OR2L13: variants seen among roughly 807,000 people sequenced by gnomAD.
The protein encoded by OR2L13 is olfactory receptor family 2 subfamily L member 13, also known as olfactory receptor 2L13.
OR2L13 carries 14 observed loss-of-function variants against 15.3 expected under a neutral mutation model. The observed-to-expected ratio is 0.91, with a 90% CI of 0.60 to 1.43. OR2L13 has a LOEUF of 1.43. OR2L13 is among the 40% of genes most tolerant of loss of function. The probability of loss-of-function intolerance (pLI) is 0.00; values close to 1 mark genes in which losing one functional copy is unlikely to be tolerated. For missense variants in OR2L13, 367 were observed against 387.9 expected, an observed-to-expected ratio of 0.95 and a Z score of 0.45; for synonymous variants, 152 against 142.9, an observed-to-expected ratio of 1.06 and a Z score of -0.45.
At chr1:247,975,689 C>G in the OR2L13 span, 264 of 848,226 alleles carry the variant, frequency 3.1e-4, no homozygotes, top group Non-Finnish European at 4.4e-4. Context: ...AGTCCAAGCA[C>G]TAGCCTCACA....
chr1:247,994,628 T>C, the OR2L13 span, among the ~76,000 whole-genome samples: 54 of 152,170 alleles, frequency 3.5e-4, no homozygotes, highest in East Asian at 0.01. Flanking sequence ...AGAAAGAGCG[T>C]AGGTCAAATG....
chr1:247,965,178 T>C, the OR2L13 span: 4 of 548,378 alleles, frequency 7.3e-6, no homozygotes, highest in Non-Finnish European at 1.2e-5. Context: ...AAAATTTGCA[T>C]CCCAGTAACA....
At chr1:248,022,697 C>G in the OR2L13 span, 1 of 1,614,168 alleles carries the variant, frequency 6.2e-7, no homozygotes, top group African/African-American at 1.3e-5. Flanking sequence ...TAACTTTCTA[C>G]TATGCACCCT....
chr1:248,060,883 A>G, the OR2L13 span: 1 of 1,613,860 alleles, frequency 6.2e-7, no homozygotes, highest in Non-Finnish European at 8.5e-7. Flanking sequence ...GCTCTCCCTC[A>G]TTGACCTAAA....
chr1:248,084,855 G>A, the OR2L13 span, among the ~76,000 whole-genome samples: 2 of 152,116 alleles, frequency 1.3e-5, no homozygotes, highest in African/African-American at 4.8e-5. Flanking sequence ...AGTAACACTA[G>A]CATCTTTGAG....
At chr1:248,003,492 G>A in the OR2L13 span, 75 of 1,611,054 alleles carry the variant, frequency 4.7e-5, no homozygotes, top group South Asian at 6.6e-5. Flanking sequence ...GCCTATGTTC[G>A]TTGCATTGCT....
At chr1:248,081,599 A>T in the OR2L13 span, among the ~76,000 whole-genome samples, 2 of 152,164 alleles carry the variant, frequency 1.3e-5, no homozygotes, top group African/African-American at 4.8e-5. Flanking sequence ...ATTCATTCTA[A>T]GAGAAGATTT....
upstream of OR2L13, among the ~76,000 whole-genome samples, chr1:248,094,725 T>C (rs1006088941): frequency 9.2e-5 from 14 of 152,194 alleles, no homozygotes; most frequent in African/African-American, 3.1e-4. Context: ...TATCCTAGTA[T>C]AATTTAATTT....
the OR2L13 span, chr1:248,003,897 A>C: frequency 6.2e-7 from 1 of 1,612,662 alleles, no homozygotes; most frequent in South Asian, 1.1e-5. Flanking sequence ...CCTTTTGTCT[A>C]CACCTATCTA....
At chr1:248,024,522 G>C in the OR2L13 span, among the ~76,000 whole-genome samples, 2 of 152,070 alleles carry the variant, frequency 1.3e-5, no homozygotes, top group African/African-American at 4.8e-5. Flanking sequence ...TTTTCTTCTA[G>C]GGTTTTTATG....
chr1:248,051,594 G>C, the OR2L13 span, among the ~76,000 whole-genome samples: 1 of 152,108 alleles, frequency 6.6e-6, no homozygotes, highest in South Asian at 2.1e-4. Context: ...AGAGGAGAGT[G>C]AGGGAGGAGG....
the OR2L13 span, chr1:248,024,031 T>C: frequency 6.6e-6 from 1 of 152,094 alleles, no homozygotes; most frequent in African/African-American, 2.4e-5. Flanking sequence ...TTTTATTTGT[T>C]ATTAATTTTA....
chr1:248,009,921 A>T, the OR2L13 span, among the ~76,000 whole-genome samples: 1 of 152,208 alleles, frequency 6.6e-6, no homozygotes, highest in African/African-American at 2.4e-5. Flanking sequence ...AAACCATATG[A>T]TTATTTCAAT....
At chr1:247,965,860 T>C in the OR2L13 span, 3 of 1,613,872 alleles carry the variant, frequency 1.9e-6, no homozygotes, top group South Asian at 1.1e-5. Flanking sequence ...ACATACATTG[T>C]ATGTGTTTCA....
At chr1:248,080,128 T>C in the OR2L13 span, among the ~76,000 whole-genome samples, 2 of 151,914 alleles carry the variant, frequency 1.3e-5, no homozygotes, top group African/African-American at 4.8e-5. Context: ...TAGTTACAGA[T>C]ACATATTTTT....
the OR2L13 span, among the ~76,000 whole-genome samples, chr1:247,991,451 A>C: frequency 1.3e-5 from 2 of 149,298 alleles, no homozygotes; most frequent in Non-Finnish European, 3.0e-5. Context: ...TGATCTATTA[A>C]AAGTTTACCT....
At chr1:248,071,245 G>A in the OR2L13 span, among the ~76,000 whole-genome samples, 11 of 151,952 alleles carry the variant, frequency 7.2e-5, no homozygotes, top group Non-Finnish European at 1.3e-4. Flanking sequence ...CTGGCAAACC[G>A]AATCCAGCAG....
the OR2L13 span, chr1:247,991,188 C>T: frequency 6.3e-7 from 1 of 1,595,302 alleles, no homozygotes. Context: ...TTCAGAAAAT[C>T]TTTTCAGTGA....
At chr1:248,007,502 C>A in the OR2L13 span, among the ~76,000 whole-genome samples, 2 of 152,186 alleles carry the variant, frequency 1.3e-5, no homozygotes, top group Non-Finnish European at 2.9e-5. Context: ...TTATTCAAAT[C>A]TACTGTCATT....
Sources: gnomAD v4.1 joint callset for allele counts (sites outside exome capture counted in the v4.1 genomes callset) on GRCh38, gnomAD v4.1.1 for gene constraint, MANE v1.5 for transcripts, NCBI Gene and HGNC (gene_info 2026-07-23, HGNC 2026-07-21) for gene names.